ENPP1: variants seen among roughly 807,000 people sequenced by gnomAD.
ENPP1 encodes the protein ectonucleotide pyrophosphatase/phosphodiesterase 1, also known as ectonucleotide pyrophosphatase/phosphodiesterase family member 1.
In ENPP1, 73 loss-of-function variants were observed where a neutral mutation model predicts 122.8. The observed-to-expected ratio is 0.59, with a 90% CI of 0.49 to 0.72. The LOEUF is 0.72. ENPP1 is among the 30% of genes least tolerant of loss of function. The pLI, the probability that ENPP1 is intolerant of heterozygous loss-of-function variation, is 0.00. For synonymous variants in ENPP1, 367 were observed against 391.6 expected (o/e 0.94, Z 0.74); for missense variants, 978 against 1,128.1 (o/e 0.87, Z 1.91).
intron 1 of ENPP1, chr6:131,827,596 A>G (rs986911520): frequency 8.4e-6 from 5 of 593,162 alleles, no homozygotes; most frequent in African/African-American, 7.4e-5. Context: ...AATATGGAAC[A>G]TAAGTTATGA....
intron 1 of ENPP1, among the ~76,000 whole-genome samples, chr6:131,834,368 A>G (rs905517227): frequency 5.3e-5 from 8 of 152,118 alleles, no homozygotes; most frequent in Non-Finnish European, 1.0e-4. Flanking sequence ...TTCAAATATA[A>G]AGGGCCTGCT....
At chr6:131,825,616 C>A (rs1020412504) in intron 1 of ENPP1, among the ~76,000 whole-genome samples, 2 of 152,054 alleles carry the variant, frequency 1.3e-5, no homozygotes, top group Non-Finnish European at 2.9e-5. Flanking sequence ...TTAAAAAATA[C>A]CTTGATAGTT....
At chr6:131,866,975 A>G (rs946420710) in intron 11 of ENPP1, among the ~76,000 whole-genome samples, 1 of 152,222 alleles carries the variant, frequency 6.6e-6, no homozygotes, top group South Asian at 2.1e-4. Context: ...GGTTACATAC[A>G]TTTGAAAATC....
At chr6:131,843,286 A>G (rs183574555) in intron 1 of ENPP1, among the ~76,000 whole-genome samples, 2 of 152,222 alleles carry the variant, frequency 1.3e-5, no homozygotes, top group African/African-American at 4.8e-5. Flanking sequence ...ACTGTCAATG[A>G]GAAATGATCA....
chr6:131,838,978 A>G (rs79251286), intron 1 of ENPP1, among the ~76,000 whole-genome samples: 10,676 of 152,178 alleles, frequency 0.07, 542 homozygotes, highest in East Asian at 0.18. Context: ...AAATTAATAA[A>G]CTTCTTACAC....
At position 131,877,895 on chromosome 6, in the gene ENPP1, A is replaced by ATC. The variant is rs1280612121; in HGVS notation, c.1894-646_1894-645insCT. Reference sequence around the variant, plus strand: ...TATATATATATATATATATATATATATATAGCAATTTGGAGAGTAGTTTAT... The same window carrying ATC: ...TATATATATATATATATATATATATATCTATAGCAATTTGGAGAGTAGTTTAT... On this transcript the variant is annotated intron_variant, in intron 18 of 24. Coordinates refer to ENST00000647893, the MANE Select transcript of ENPP1 (RefSeq NM_006208.3). The ATC allele has an allele frequency of 1.5e-4, 19 of 130,424 alleles. 1 individual carries two copies. The highest frequency in any genetic ancestry group is 1.0e-3 in the South Asian group (4 of 3,872). 8.1% of individuals were successfully genotyped at this position (130,424 alleles called of 1,614,324 possible). A position where few individuals can be genotyped will look rare whatever the true frequency, so the allele number is the denominator to read the frequency against.
At chr6:131,853,809 A>G (rs1436172221) in intron 5 of ENPP1, among the ~76,000 whole-genome samples, 1 of 152,190 alleles carries the variant, frequency 6.6e-6, no homozygotes, top group Non-Finnish European at 1.5e-5. Context: ...ACCACCTACC[A>G]TGTATCACTA....
chr6:131,826,005 T>C, intron 1 of ENPP1: 1 of 699,730 alleles, frequency 1.4e-6, no homozygotes, highest in South Asian at 1.6e-5. Flanking sequence ...AGCACGTCTG[T>C]AAATATTCTG....
At chr6:131,822,607 T>C (rs764840881) in intron 1 of ENPP1, among the ~76,000 whole-genome samples, 13 of 151,798 alleles carry the variant, frequency 8.6e-5, no homozygotes, top group Non-Finnish European at 1.8e-4. Context: ...AAAGATGAGA[T>C]CACTTTGTGC....
intron 1 of ENPP1, among the ~76,000 whole-genome samples, chr6:131,845,080 A>G (rs992559670): frequency 9.1e-6 from 1 of 109,324 alleles, no homozygotes; most frequent in African/African-American, 3.7e-5. Flanking sequence ...TTTCCTTGAG[A>G]CAGAGTTTCA....
intron 1 of ENPP1, among the ~76,000 whole-genome samples, chr6:131,813,684 T>C (rs1781382220): frequency 6.6e-6 from 1 of 152,172 alleles, no homozygotes; most frequent in Non-Finnish European, 1.5e-5. Flanking sequence ...CGGTCTTATT[T>C]CTATTGTAAC....
Position 131,851,275 on chromosome 6 carries a change from G to A in ENPP1, c.556+8G>A, listed in dbSNP as rs746150115. 8.1e-6 allele frequency: 13 copies of A among 1,614,090 alleles called. No individual in the cohort carries two copies. Among genetic ancestry groups the A allele is most frequent in the Admixed American group, 3.3e-5 (2 of 60,004 alleles). ...ACAGTTCTGTGTGTCAAGGTCAGGT[G>A]CTCGTTGGGCTCTGCAGCAGCCTGG... is the stretch of plus-strand genomic sequence containing the variant. On this transcript the variant is annotated splice_region_variant and intron_variant, in intron 4 of 24. Coordinates refer to ENST00000647893, the MANE Select transcript of ENPP1 (RefSeq NM_006208.3).
chr6:131,812,454 G>A (rs1449171502), intron 1 of ENPP1, among the ~76,000 whole-genome samples: 1 of 152,124 alleles, frequency 6.6e-6, no homozygotes, highest in East Asian at 1.9e-4. Flanking sequence ...TTCCAGGTTG[G>A]AGACCATGAT....
rs772979382 is a variant in ENPP1, at chr6:131,875,781, C to T, written c.1641C>T (p.Leu547=). 1.2e-6 allele frequency: 2 copies of T among 1,613,734 alleles called. No individual in the cohort carries two copies. The highest frequency in any genetic ancestry group is 2.2e-5 in the South Asian group (2 of 91,082). ...TTCCTTTTCTGGCCATCTAGGCCCT[C>T]TTTGTTGGCTATGGACCTGGATTCA... The part of the protein sequence containing the change: ...SDNVFSNMQA[L]FVGYGPGFKH... Residue 547 remains leucine, a synonymous_variant, in exon 17 of 25, where the codon CTC becomes CTT. Coordinates refer to ENST00000647893, the MANE Select transcript of ENPP1 (RefSeq NM_006208.3).
At chr6:131,866,908 T>G (rs1782098338) in intron 11 of ENPP1, among the ~76,000 whole-genome samples, 1 of 152,232 alleles carries the variant, frequency 6.6e-6, no homozygotes, top group African/African-American at 2.4e-5. Context: ...CCAAGACTTG[T>G]GTCTGGGTCA....
At chr6:131,890,142 A>C (rs1782447280) in intron 24 of ENPP1, among the ~76,000 whole-genome samples, 199 bp from the exon 25 acceptor site, 1 of 152,162 alleles carries the variant, frequency 6.6e-6, no homozygotes, top group Non-Finnish European at 1.5e-5. Flanking sequence ...AACTTGAAGC[A>C]TCTAATTAAA....
chr6:131,855,105 C>G (rs1277014273), intron 6 of ENPP1, 82 bp downstream of exon 6: 5 of 992,314 alleles, frequency 5.0e-6, no homozygotes, highest in Admixed American at 1.7e-5. Context: ...TGGAAAAGTA[C>G]TGGCAGAACC....
chr6:131,825,357 A>G (rs1272406310), intron 1 of ENPP1, among the ~76,000 whole-genome samples: 1 of 152,186 alleles, frequency 6.6e-6, no homozygotes, highest in Non-Finnish European at 1.5e-5. Context: ...CTAGATTTTG[A>G]GTCCGTAGAT....
intron 9 of ENPP1, among the ~76,000 whole-genome samples, chr6:131,864,205 A>AT (rs1782059435): frequency 6.6e-6 from 1 of 152,180 alleles, no homozygotes; most frequent in Non-Finnish European, 1.5e-5. Context: ...TTTGCAAAGT[A>AT]TATTAACATA....
Sources: gnomAD v4.1 joint callset for allele counts (sites outside exome capture counted in the v4.1 genomes callset) on GRCh38, gnomAD v4.1.1 for gene constraint, MANE v1.5 for transcripts, NCBI Gene and HGNC (gene_info 2026-07-23, HGNC 2026-07-21) for gene names.